MAP6: variants seen among roughly 807,000 people sequenced by gnomAD.
The protein encoded by MAP6 is microtubule associated protein 6, also known as microtubule-associated protein 6.
Under a neutral mutation model 42.4 loss-of-function variants are expected in MAP6, and 26 were observed. That is an observed-to-expected ratio of 0.61 (90% CI 0.45 to 0.85). The LOEUF (loss-of-function observed/expected upper bound fraction) is 0.85. MAP6 is among the 40% of genes least tolerant of loss of function. The pLI is 0.00. For synonymous variants in MAP6, 418 were observed against 443.8 expected, an observed-to-expected ratio of 0.94 and a Z score of 0.73; for missense variants, 966 against 1,099.0, an observed-to-expected ratio of 0.88 and a Z score of 1.71.
chr11:75,667,724 C>G lies in MAP6; in HGVS notation c.646G>C (p.Glu216Gln). 7.7e-7 allele frequency: 1 copy of G among 1,294,370 alleles called. No individual in the cohort carries two copies. Among genetic ancestry groups the G allele is most frequent in the Non-Finnish European group, 9.8e-7 (1 of 1,024,194 alleles). The allele number at this position is 1,294,370 out of a possible 1,614,324, so 80.2% of individuals were successfully genotyped here. ...VQAAAEAREQ[E>Q]AAPGGAGGLA... ...CCACCCGCTCCGCCGGGGGCCGCCT[C>G]CTGCTCCCGGGCCTCAGCGGCGGCC... is the stretch of plus-strand genomic sequence containing the variant. The change falls in exon 1 of 4, where the codon GAG (glutamate) becomes CAG (glutamine). Residue 216 changes from glutamate to glutamine, a missense_variant. By Grantham distance (29) the Glu-to-Gln change is conservative (BLOSUM62 2). Coordinates refer to ENST00000304771, the MANE Select transcript of MAP6 (RefSeq NM_033063.2). This position sits in a 1 kb window ranked among gnomAD's most constrained non-coding sequence, Gnocchi z 5.6.
chr11:75,648,444 G>A (rs1230578544), intron 1 of MAP6, among the ~76,000 whole-genome samples: 2 of 152,186 alleles, frequency 1.3e-5, no homozygotes, highest in Non-Finnish European at 2.9e-5. Flanking sequence ...ACACAAATGA[G>A]CTGTGATTGA....
rs1231749850 is a variant in MAP6, at chr11:75,620,998, G to T, written c.906-12676C>A. ...TACAAAAAATTAGCCGGGCGTGGTG[G>T]TGGGTGCCTGTAGTCCCAGCTACTT... On this transcript the variant is annotated intron_variant, in intron 1 of 3. Transcript: ENST00000304771. 2.0e-5 allele frequency among the ~76,000 whole-genome samples: 3 copies of T among 152,232 alleles called. No homozygotes were observed. The East Asian group carries it at 5.8e-4, about 29-fold the overall frequency.
chr11:75,627,155 T>C (rs973181537), intron 1 of MAP6, among the ~76,000 whole-genome samples: 1 of 152,228 alleles, frequency 6.6e-6, no homozygotes, highest in Non-Finnish European at 1.5e-5. Context: ...AAAATCATCT[T>C]CATGCTTGTA....
At chr11:75,640,713 G>C (rs2135656866) in intron 1 of MAP6, among the ~76,000 whole-genome samples, 1 of 152,334 alleles carries the variant, frequency 6.6e-6, no homozygotes, top group African/African-American at 2.4e-5. Context: ...CATTCATGCA[G>C]TCAAAAGACA....
intron 1 of MAP6, among the ~76,000 whole-genome samples, chr11:75,658,933 T>C (rs1369853523): frequency 6.6e-6 from 1 of 152,204 alleles, no homozygotes; most frequent in East Asian, 1.9e-4. Flanking sequence ...TGCTCCACCA[T>C]GCCCTGCACA....
At chr11:75,588,650 T>C (rs902280579) in intron 3 of MAP6, among the ~76,000 whole-genome samples, 5 of 152,108 alleles carry the variant, frequency 3.3e-5, no homozygotes, top group South Asian at 4.2e-4. Flanking sequence ...TTCAAAGTTC[T>C]TTTGCCTCCC....
intron 3 of MAP6, among the ~76,000 whole-genome samples, chr11:75,600,025 T>G (rs1565255190): frequency 1.3e-5 from 2 of 152,214 alleles, no homozygotes; most frequent in East Asian, 1.9e-4. Flanking sequence ...ATTCAATAGC[T>G]GTAATTCTTT....
intron 1 of MAP6, among the ~76,000 whole-genome samples, chr11:75,620,147 C>T (rs1433377096): frequency 6.6e-6 from 1 of 152,074 alleles, no homozygotes; most frequent in Non-Finnish European, 1.5e-5. Flanking sequence ...AAAAAATGAA[C>T]ATCAATCCTA....
At chr11:75,611,008 TC>T in intron 1 of MAP6, among the ~76,000 whole-genome samples, 1 of 152,180 alleles carries the variant, frequency 6.6e-6, no homozygotes, top group Non-Finnish European at 1.5e-5. Flanking sequence ...TTCTCCACTT[TC>T]TTTAGGTTCA....
At chr11:75,662,836 C>A (rs2135699622) in intron 1 of MAP6, among the ~76,000 whole-genome samples, 2 of 152,266 alleles carry the variant, frequency 1.3e-5, no homozygotes, top group Middle Eastern at 6.8e-3. Context: ...TCCACTGATT[C>A]CAATGTGTAG....
Position 75,668,360 on chromosome 11 carries a change from G to A in MAP6, c.10C>T (p.Pro4Ser). MAW[P>S]CITRACCIAR... ...ATGCAGCAGGCCCTCGTGATGCACGGCCACGCCATGATGCTAGCTGAAAAG... is the reference window on the plus strand; with the variant it reads ...ATGCAGCAGGCCCTCGTGATGCACGACCACGCCATGATGCTAGCTGAAAAG... Residue 4 changes from proline (P) to serine (S), a missense_variant, in exon 1 of 4, where the codon CCG (proline) becomes TCG (serine). Pro to Ser is a moderately conservative substitution (Grantham distance 74). This residue lies in a region of MAP6 where 23 missense variants were observed against 49.1 expected (regional missense o/e 0.47). Transcript: ENST00000304771. 1 of 1,572,324 alleles carries A rather than the reference G, an allele frequency of 6.4e-7. No individual in the cohort carries two copies.
Position 75,668,179 on chromosome 11 carries a change from G to T in MAP6, c.191C>A (p.Ala64Glu). ...QPALAPPSAR[A>E]VAIETQPAQG... ...GGCTGGCTGCGTCTCTATGGCAACC[G>T]CGCGCGCCGAGGGGGGCGCGAGCGC... Residue 64 changes from alanine to glutamate, a missense_variant, in exon 1 of 4, where the codon GCG (alanine) becomes GAG (glutamate). Transcript: ENST00000304771. 1 of 1,215,936 alleles carries T rather than the reference G, an allele frequency of 8.2e-7. No homozygotes were observed. The highest frequency in any genetic ancestry group is 1.0e-6 in the Non-Finnish European group (1 of 984,344). 75.3% of individuals were successfully genotyped at this position (1,215,936 alleles called of 1,614,324 possible).
At chr11:75,635,826 A>T (rs1026398043) in intron 1 of MAP6, 2 of 152,262 alleles carry the variant, frequency 1.3e-5, no homozygotes, top group African/African-American at 4.8e-5. Flanking sequence ...CATCTAGCTC[A>T]GAGGATGCTA....
chr11:75,660,312 C>T (rs11236479), intron 1 of MAP6, among the ~76,000 whole-genome samples: 2,615 of 152,262 alleles, frequency 0.017, 80 homozygotes, highest in African/African-American at 0.06. Context: ...ATATTTACAG[C>T]CCAGGCCTCT....
intron 1 of MAP6, among the ~76,000 whole-genome samples, chr11:75,632,624 AAG>A (rs962760056): frequency 6.6e-6 from 1 of 152,194 alleles, no homozygotes; most frequent in Non-Finnish European, 1.5e-5. Flanking sequence ...ACAAGGACCT[AAG>A]GGTAAGGGAT....
chr11:75,592,885 T>C (rs1942505899), intron 3 of MAP6, among the ~76,000 whole-genome samples: 1 of 152,226 alleles, frequency 6.6e-6, no homozygotes, highest in Admixed American at 6.5e-5. Flanking sequence ...CAGCATTCTG[T>C]TCCTTCGGCA....
In MAP6 at chr11:75,587,231, A is replaced by G. The variant is rs1456902241; in HGVS notation, c.2270T>C (p.Leu757Pro). The G allele has an allele frequency of 6.2e-7, 1 of 1,614,170 alleles. No individual in the cohort carries two copies. Among genetic ancestry groups the G allele is most frequent in the Admixed American group, 1.7e-5 (1 of 60,028 alleles). Residue 757 changes from leucine to proline, a missense_variant, in exon 4 of 4, where the codon CTG (leucine) becomes CCG (proline). By Grantham distance (98) the Leu-to-Pro change is moderately conservative. This residue lies in a region of MAP6 where 943 missense variants were observed against 1,049.9 expected (regional missense o/e 0.90). Transcript: ENST00000304771. ...TGGCACCAGAGGATCTTGATCCTTC[A>G]GAGGCACTGGGACTATAGGAACTTG... The part of the protein sequence containing the change: ...KNQVPIVPVP[L>P]KDQDPLVPVP...
At chr11:75,598,469 A>G (rs1172631302) in intron 3 of MAP6, among the ~76,000 whole-genome samples, 1 of 152,236 alleles carries the variant, frequency 6.6e-6, no homozygotes, top group Non-Finnish European at 1.5e-5. Flanking sequence ...GACTGTTTAG[A>G]AAAAGTGGCT....
rs1012248603 is a variant in MAP6, at chr11:75,598,229, A to T, written c.1316+7579T>A. ...TTGTTATCTATTGGAGGCTTAAAGAAATTAAGAGACTCAGTTAAGGTCACA... is the reference window on the plus strand; with the variant it reads ...TTGTTATCTATTGGAGGCTTAAAGATATTAAGAGACTCAGTTAAGGTCACA... On this transcript the variant is annotated intron_variant, in intron 3 of 3. Transcript: ENST00000304771. 2.0e-5 allele frequency among the ~76,000 whole-genome samples: 3 copies of T among 152,216 alleles called. No individual in the cohort carries two copies. In the South Asian group the frequency reaches 6.2e-4, roughly 32 times the overall value.
Sources: gnomAD v4.1 joint callset for allele counts (sites outside exome capture counted in the v4.1 genomes callset) on GRCh38, gnomAD v4.1.1 for gene constraint, gnomAD v4.1.1 regional missense constraint, Gnocchi (gnomAD v3.1) non-coding constraint, MANE v1.5 for transcripts, NCBI Gene and HGNC (gene_info 2026-07-23, HGNC 2026-07-21) for gene names.